The following TFPI variants were observed in gnomAD, a reference collection of about 807,000 sequenced individuals.
TFPI encodes anti-convertin.
Under a neutral mutation model 34.6 loss-of-function variants are expected in TFPI, and 15 were observed. The ratio of observed to expected loss-of-function variants is 0.43; its 90% CI spans 0.29 to 0.67. TFPI has a LOEUF of 0.67. Ranked by LOEUF, TFPI falls within the 30% of genes least tolerant of loss-of-function variation. The pLI, the probability that TFPI is intolerant of heterozygous loss-of-function variation, is 0.15. For missense variants in TFPI, 301 were observed against 364.0 expected, an observed-to-expected ratio of 0.83 and a Z score of 1.41; for synonymous variants, 105 against 120.1, an observed-to-expected ratio of 0.87 and a Z score of 0.82.
At chr2:187,544,084 G>T (rs1396532598) in intron 1 of TFPI, among the ~76,000 whole-genome samples, 12 of 152,156 alleles carry the variant, frequency 7.9e-5, no homozygotes, top group Admixed American at 7.9e-4. Context: ...TATGCTACCT[G>T]TGCTGTGGTG....
intron 1 of TFPI, among the ~76,000 whole-genome samples, chr2:187,522,564 T>C (rs1483514157): frequency 1.3e-5 from 2 of 151,776 alleles, no homozygotes; most frequent in African/African-American, 4.9e-5. Flanking sequence ...TTTGTCTTCC[T>C]ATCACAAAAC....
intron 3 of TFPI, among the ~76,000 whole-genome samples, chr2:187,495,017 C>G (rs1685377145): frequency 6.6e-6 from 1 of 152,104 alleles, no homozygotes; most frequent in Non-Finnish European, 1.5e-5. Flanking sequence ...GCCACTGCAC[C>G]CAGCCTCAAG....
intron 1 of TFPI, 145 bp from the exon 2 acceptor site, chr2:187,503,915 A>C: frequency 1.3e-6 from 1 of 768,612 alleles, no homozygotes; most frequent in Non-Finnish European, 2.0e-6. Context: ...GTGCATACTC[A>C]ATGAGTCATA....
rs1688593263 is a variant in TFPI at position 187,541,717 on chromosome 2, C to T, written c.-3+12483G>A. Reference sequence around the variant, plus strand: ...TACAAATATTAACTCATGTAATCCTCATAGTGACTATGAGGTGACTGTGAA... The same window carrying T: ...TACAAATATTAACTCATGTAATCCTTATAGTGACTATGAGGTGACTGTGAA... On this transcript the variant is annotated intron_variant, in intron 1 of 7. Transcript: ENST00000233156. Among the ~76,000 whole-genome samples, 5 of 152,114 alleles carry T rather than the reference C, an allele frequency of 3.3e-5. No homozygotes were observed. In the South Asian group the frequency reaches 1.0e-3, roughly 31 times the overall value.
chr2:187,484,199 C>A lies in TFPI; in HGVS notation c.553G>T (p.Asp185Tyr). Reference protein sequence around the residue: ...CEDGPNGFQVDNYGTQLNAVN... With the variant: ...CEDGPNGFQVYNYGTQLNAVN... ...GCATTGAGCTGGGTTCCATAATTATCCACCTGGAAACCATTCGCTGGAAAA... is the reference window on the plus strand; with the variant it reads ...GCATTGAGCTGGGTTCCATAATTATACACCTGGAAACCATTCGCTGGAAAA... Residue 185 changes from aspartate to tyrosine, a missense_variant, in exon 6 of 8, where the codon GAT becomes TAT. Transcript: ENST00000233156. 2 of 1,611,764 alleles carry A rather than the reference C, an allele frequency of 1.2e-6. No individual in the cohort carries two copies. The highest frequency in any genetic ancestry group is 1.7e-6 in the Non-Finnish European group (2 of 1,178,524).
chr2:187,481,563 A>G (rs1045462915), intron 6 of TFPI, among the ~76,000 whole-genome samples: 8 of 150,868 alleles, frequency 5.3e-5, no homozygotes, highest in African/African-American at 1.7e-4. Context: ...TTCATTGACA[A>G]TCCACCTTAT....
chr2:187,499,600 C>G (rs1685715132), intron 2 of TFPI: 1 of 150,714 alleles, frequency 6.6e-6, no homozygotes, highest in Non-Finnish European at 1.5e-5. Context: ...TTACAGCAGG[C>G]CCACAGTAAG....
chr2:187,481,425 C>T (rs1222875183), intron 6 of TFPI, among the ~76,000 whole-genome samples: 1 of 151,822 alleles, frequency 6.6e-6, no homozygotes, highest in African/African-American at 2.4e-5. Flanking sequence ...GCAAACCCCT[C>T]AGACAGAAGT....
At chr2:187,535,736 G>A (rs1208956541) in intron 1 of TFPI, among the ~76,000 whole-genome samples, 1 of 152,126 alleles carries the variant, frequency 6.6e-6, no homozygotes, top group East Asian at 1.9e-4. Context: ...ACTAAGATCA[G>A]AGCAGAAAAG....
chr2:187,494,804 C>T (rs571473219), intron 3 of TFPI, among the ~76,000 whole-genome samples: 85 of 152,236 alleles, frequency 5.6e-4, no homozygotes, highest in Non-Finnish European at 1.1e-3. Context: ...CTCACTGCAA[C>T]GTCTGGCTCC....
chr2:187,510,549 A>G (rs1170893595), intron 1 of TFPI, among the ~76,000 whole-genome samples: 2 of 152,228 alleles, frequency 1.3e-5, no homozygotes, highest in East Asian at 3.9e-4. Context: ...CAAAGAAAGA[A>G]GAAGTAAAAA....
rs985615238 is a variant in TFPI at position 187,479,614 on chromosome 2, T to C, written c.628+4510A>G. On this transcript the variant is annotated intron_variant, in intron 6 of 7. Coordinates refer to ENST00000233156, the MANE Select transcript of TFPI (RefSeq NM_006287.6). Reference sequence around the variant, plus strand: ...ATGATTTAAAAATACTGAAATACTTTTAAATATAAAACTATTTTTGTAGAG... The same window carrying C: ...ATGATTTAAAAATACTGAAATACTTCTAAATATAAAACTATTTTTGTAGAG... 2.8e-5 allele frequency among the ~76,000 whole-genome samples: 4 copies of C among 141,800 alleles called. No individual in the cohort carries two copies. The South Asian group carries it at 9.1e-4, about 32-fold the overall frequency. The allele number at this position is 141,800 out of a possible 152,430, so 93.0% of individuals were successfully genotyped here.
chr2:187,470,430 G>A (rs1296069644), intron 6 of TFPI, among the ~76,000 whole-genome samples: 1 of 152,132 alleles, frequency 6.6e-6, no homozygotes, highest in Non-Finnish European at 1.5e-5. Context: ...GAAAAAGCTA[G>A]GCTAGTACAT....
chr2:187,484,381 A>G lies in TFPI; in HGVS notation c.536-165T>C, dbSNP rs1574397288. The G allele has an allele frequency of 6.6e-6, 4 of 602,982 alleles. No individual in the cohort carries two copies. In the East Asian group the frequency reaches 1.1e-4, roughly 17 times the overall value. The allele number at this position is 602,982 out of a possible 1,614,324, so 37.4% of individuals were successfully genotyped here. A position where few individuals can be genotyped will look rare whatever the true frequency, so the allele number is the denominator to read the frequency against. On this transcript the variant is annotated intron_variant, in intron 5 of 7. Transcript: ENST00000233156. ...TCTTTAAATATAATTGTAAGGTAATATTTCCATGAGTAACTGTAGTTCTTG... is the reference window on the plus strand; with the variant it reads ...TCTTTAAATATAATTGTAAGGTAATGTTTCCATGAGTAACTGTAGTTCTTG...
intron 1 of TFPI, among the ~76,000 whole-genome samples, chr2:187,510,090 C>G (rs995146765): frequency 6.6e-6 from 1 of 152,172 alleles, no homozygotes; most frequent in African/African-American, 2.4e-5. Context: ...CAGTCCAACT[C>G]CAGCTAACAG....
At chr2:187,516,755 CACCCCTG>C (rs1264925198) in intron 1 of TFPI, 4 of 152,154 alleles carry the variant, frequency 2.6e-5, no homozygotes, top group Admixed American at 6.5e-5. Flanking sequence ...GTTAAAGATC[CACCCCTG>C]ACCTAACCGG....
Position 187,466,384 on chromosome 2 carries a change from G to T in TFPI, c.*552C>A, listed in dbSNP as rs1421637700. Reference sequence around the variant, plus strand: ...TTAGCTCAATATAGATGGAAGTACTGGTTAGTACAAAAGGAGAAAAACTAT... The same window carrying T: ...TTAGCTCAATATAGATGGAAGTACTTGTTAGTACAAAAGGAGAAAAACTAT... On this transcript the variant is annotated 3_prime_UTR_variant, in exon 8 of 8. Coordinates refer to ENST00000233156, the MANE Select transcript of TFPI (RefSeq NM_006287.6). The T allele has an allele frequency of 6.6e-6, 1 of 152,230 alleles. No homozygotes were observed. The highest frequency in any genetic ancestry group is 6.6e-5 in the Admixed American group (1 of 15,240). The allele number at this position is 152,230 out of a possible 1,614,324, so 9.4% of individuals were successfully genotyped here.
intron 6 of TFPI, among the ~76,000 whole-genome samples, chr2:187,474,806 T>C (rs976156598): frequency 6.6e-5 from 10 of 152,130 alleles, no homozygotes; most frequent in Non-Finnish European, 1.3e-4. Context: ...TTTTTGTAAA[T>C]TTTGGTGGCT....
intron 1 of TFPI, among the ~76,000 whole-genome samples, chr2:187,510,921 A>C (rs1217604503): frequency 6.6e-6 from 1 of 152,174 alleles, no homozygotes; most frequent in Non-Finnish European, 1.5e-5. Flanking sequence ...CCGGTGTCTG[A>C]GGAGTTTTGT....
Sources: allele counts gnomAD v4.1 joint callset (sites outside exome capture counted in the v4.1 genomes callset), GRCh38; gene constraint gnomAD v4.1.1; transcripts MANE v1.5; gene names NCBI Gene and HGNC (gene_info 2026-07-23, HGNC 2026-07-21).